Variants in CNTNAP4 observed in about 807,000 individuals in gnomAD.
CNTNAP4 encodes contactin-associated protein-like 4.
In CNTNAP4, 98 loss-of-function variants were observed where a neutral mutation model predicts 148.4. That is an observed-to-expected ratio of 0.66 (90% CI 0.56 to 0.78). CNTNAP4 has a LOEUF of 0.78. CNTNAP4 is among the 30% of genes least tolerant of loss of function. The pLI is 0.00. For missense variants in CNTNAP4, 1,935 were observed against 1,565.6 expected (o/e 1.24, Z -3.98); for synonymous variants, 730 against 565.1 (o/e 1.29, Z -4.14).
chr16:76,544,521 T>G (rs115311380), intron 21 of CNTNAP4, among the ~76,000 whole-genome samples: 121 of 152,316 alleles, frequency 7.9e-4, no homozygotes, highest in African/African-American at 2.8e-3. Context: ...TAGAAGTACT[T>G]AATAACTTTG....
At chr16:76,532,061 A>T (rs2084007052) in intron 17 of CNTNAP4, among the ~76,000 whole-genome samples, 1 of 152,056 alleles carries the variant, frequency 6.6e-6, no homozygotes, top group Non-Finnish European at 1.5e-5. Flanking sequence ...TCTTGTAGTA[A>T]TCTTGTGTTT....
At position 76,430,089 on chromosome 16, in the gene CNTNAP4, A is replaced by G. The variant is rs143050530; in HGVS notation, c.538+2490A>G. ...TGTATTTGATCAAATTGGCTTTTAT[A>G]CCTCAATTACACCATAGTCATGCTC... On this transcript the variant is annotated intron_variant, in intron 4 of 23. Transcript: ENST00000611870. Among the ~76,000 whole-genome samples the G allele has an allele frequency of 5.4e-3, 824 of 152,272 alleles. 5 individuals are homozygous for G. Among genetic ancestry groups the G allele is most frequent in the Non-Finnish European group, 9.2e-3 (623 of 68,012 alleles).
intron 8 of CNTNAP4, among the ~76,000 whole-genome samples, chr16:76,460,063 T>C (rs2080881965): frequency 6.6e-6 from 1 of 152,206 alleles, no homozygotes; most frequent in South Asian, 2.1e-4. Flanking sequence ...TTTTCCTTTA[T>C]TAAAAAAACT....
Position 76,344,023 on chromosome 16 carries a change from A to G in CNTNAP4, c.197-11295A>G, listed in dbSNP as rs572688808. ...TCATTGTGTAGTAAAAGGGTCTGCA[A>G]TTGAAAGCATTTCTAGAATTGAATG... On this transcript the variant is annotated intron_variant, in intron 2 of 23. Coordinates refer to ENST00000611870, the MANE Select transcript of CNTNAP4 (RefSeq NM_033401.5). 3.9e-5 allele frequency among the ~76,000 whole-genome samples: 6 copies of G among 152,326 alleles called. No individual in the cohort carries two copies. The South Asian group carries it at 8.3e-4, about 21-fold the overall frequency.
chr16:76,413,429 A>G (rs2078868125), intron 3 of CNTNAP4, among the ~76,000 whole-genome samples: 1 of 151,358 alleles, frequency 6.6e-6, no homozygotes, highest in Admixed American at 6.6e-5. Context: ...CATGGCAAAC[A>G]TTGTTAATAA....
At chr16:76,479,383 A>G (rs745440020) in intron 11 of CNTNAP4, 36 bp from the exon 12 acceptor site, 4 of 1,538,220 alleles carry the variant, frequency 2.6e-6, no homozygotes, top group African/African-American at 1.4e-5. Context: ...GATTCATTTC[A>G]TGCTATTCCA....
At chr16:76,510,575 T>G (rs1181632858) in intron 15 of CNTNAP4, among the ~76,000 whole-genome samples, 1 of 152,156 alleles carries the variant, frequency 6.6e-6, no homozygotes, top group African/African-American at 2.4e-5. Flanking sequence ...TTATGTGGCA[T>G]GCTGTGTAAC....
At chr16:76,452,253 C>T (rs1005308695) in intron 7 of CNTNAP4, among the ~76,000 whole-genome samples, 3 of 152,002 alleles carry the variant, frequency 2.0e-5, no homozygotes, top group African/African-American at 7.2e-5. Context: ...ATGTTTTATT[C>T]CAATGTGTAT....
At chr16:76,529,098 T>C (rs2083864495) in intron 17 of CNTNAP4, among the ~76,000 whole-genome samples, 1 of 152,222 alleles carries the variant, frequency 6.6e-6, no homozygotes, top group African/African-American at 2.4e-5. Flanking sequence ...TCTCCTCCTC[T>C]CCTCCAGATA....
At chr16:76,437,607 C>T (rs1002013609) in intron 4 of CNTNAP4, among the ~76,000 whole-genome samples, 2 of 151,908 alleles carry the variant, frequency 1.3e-5, no homozygotes, top group African/African-American at 4.8e-5. Flanking sequence ...TTGAAAAAGC[C>T]CCATTGATCA....
At chr16:76,294,901 T>C (rs1217859466) in intron 1 of CNTNAP4, among the ~76,000 whole-genome samples, 1 of 152,208 alleles carries the variant, frequency 6.6e-6, no homozygotes, top group Non-Finnish European at 1.5e-5. Context: ...AGATACACAA[T>C]GCTTTTGTGA....
intron 3 of CNTNAP4, among the ~76,000 whole-genome samples, chr16:76,416,414 C>T (rs748196064): frequency 6.6e-5 from 10 of 151,260 alleles, no homozygotes; most frequent in Non-Finnish European, 1.2e-4. Context: ...AAATTTTCCT[C>T]GAACACTGCT....
intron 2 of CNTNAP4, among the ~76,000 whole-genome samples, chr16:76,325,536 T>C (rs149672354): frequency 9.2e-5 from 14 of 152,302 alleles, no homozygotes; most frequent in Non-Finnish European, 1.3e-4. Flanking sequence ...TGGAATTTAA[T>C]ACATTCCTCC....
chr16:76,297,824 A>G (rs1959471762), intron 1 of CNTNAP4, among the ~76,000 whole-genome samples: 1 of 152,190 alleles, frequency 6.6e-6, no homozygotes. Context: ...ATTAAAAAAT[A>G]TCTGTTAAAA....
chr16:76,479,492 T>C lies in CNTNAP4; in HGVS notation c.1836T>C (p.Asp612=), dbSNP rs369890279. 6.2e-6 allele frequency: 10 copies of C among 1,611,094 alleles called. No homozygotes were observed. The highest frequency in any genetic ancestry group is 1.3e-5 in the African/African-American group (1 of 74,940). The change falls in exon 12 of 24, where the codon GAT becomes GAC. Residue 612 remains aspartate, a synonymous_variant. Coordinates refer to ENST00000611870, the MANE Select transcript of CNTNAP4 (RefSeq NM_033401.5). ...NTSGFYYIDS[D]GSGPLEPFLL... ...CAGGGTTTTACTATATAGATTCAGATGGAAGTGGTCCCCTGGAACCATTTC... is the reference window on the plus strand; with the variant it reads ...CAGGGTTTTACTATATAGATTCAGACGGAAGTGGTCCCCTGGAACCATTTC...
At chr16:76,291,238 A>G (rs1959102070) in intron 1 of CNTNAP4, among the ~76,000 whole-genome samples, 1 of 152,222 alleles carries the variant, frequency 6.6e-6, no homozygotes, top group Non-Finnish European at 1.5e-5. Context: ...AAAGTTCAAC[A>G]GTAGATACAT....
intron 2 of CNTNAP4, among the ~76,000 whole-genome samples, chr16:76,323,396 C>T (rs920704433): frequency 3.3e-5 from 5 of 151,740 alleles, no homozygotes; most frequent in African/African-American, 1.2e-4. Flanking sequence ...AATAAAGTTC[C>T]AGATTAATTT....
chr16:76,325,561 T>C (rs1418538467), intron 2 of CNTNAP4, among the ~76,000 whole-genome samples: 2 of 152,148 alleles, frequency 1.3e-5, no homozygotes, highest in African/African-American at 2.4e-5. Flanking sequence ...GAAATCTCAA[T>C]GGAAATGAGA....
At chr16:76,301,267 C>T (rs1016483746) in intron 1 of CNTNAP4, among the ~76,000 whole-genome samples, 1 of 152,088 alleles carries the variant, frequency 6.6e-6, no homozygotes, top group Non-Finnish European at 1.5e-5. Flanking sequence ...ACTTGTAAAG[C>T]CATCATCATA....
Sources: allele counts gnomAD v4.1 joint callset (sites outside exome capture counted in the v4.1 genomes callset), GRCh38; gene constraint gnomAD v4.1.1; transcripts MANE v1.5; gene names NCBI Gene and HGNC (gene_info 2026-07-23, HGNC 2026-07-21).